The following POLL variants were observed in gnomAD, a reference collection of about 807,000 sequenced individuals.
POLL encodes the protein DNA polymerase beta-2.
In POLL, 44 loss-of-function variants were observed where a neutral mutation model predicts 58.1. The observed-to-expected ratio is 0.76, with a 90% CI of 0.60 to 0.97. The LOEUF is 0.97. Among genes scored for constraint, POLL ranks in the 50% least tolerant of loss-of-function variants. POLL has a pLI of 0.00. For missense variants in POLL, 632 were observed against 736.8 expected (o/e 0.86, Z 1.65); for synonymous variants, 290 against 283.2 (o/e 1.02, Z -0.24).
chr10:101,583,826 G>T, intron 5 of POLL, 145 bp from the exon 6 acceptor site: 1 of 671,208 alleles, frequency 1.5e-6, no homozygotes, highest in Non-Finnish European at 2.5e-6. Context: ...TGTAAAGCTT[G>T]GGTGTAGTTG....
In POLL at chr10:101,588,009, G is replaced by T. The variant is rs2063486976; in HGVS notation, c.-234C>A. The T allele has an allele frequency of 7.4e-7, 1 of 1,347,650 alleles. No homozygotes were observed. The highest frequency in any genetic ancestry group is 9.7e-7 in the Non-Finnish European group (1 of 1,027,118). The allele number at this position is 1,347,650 out of a possible 1,614,324, so 83.5% of individuals were successfully genotyped here. A position where few individuals can be genotyped will look rare whatever the true frequency, so the allele number is the denominator to read the frequency against. On this transcript the variant is annotated 5_prime_UTR_variant, in exon 1 of 9. Transcript: ENST00000370162. ...GAGGAGTCTCGCAGCTGCGGGTGAA[G>T]TCCCGGGCAGGTGCGGTGTACTCGC...
At chr10:101,586,232 C>A in intron 2 of POLL, 76 bp from the exon 3 acceptor site, 1 of 1,284,438 alleles carries the variant, frequency 7.8e-7, no homozygotes. Flanking sequence ...CACGACATAA[C>A]TTCTAACATG....
At chr10:101,583,250 C>T in intron 6 of POLL, 3 of 595,574 alleles carry the variant, frequency 5.0e-6, no homozygotes, top group Non-Finnish European at 9.0e-6. Flanking sequence ...TCAGGAAGGC[C>T]CTTGCTGGTC....
At chr10:101,587,595 G>A (rs1034706219) in intron 1 of POLL, 189 bp from the exon 2 acceptor site, 2 of 1,183,112 alleles carry the variant, frequency 1.7e-6, no homozygotes, top group East Asian at 3.3e-5. Flanking sequence ...CGAAGTTGGA[G>A]TATTACGGGA....
rs1444185045 is a variant in POLL at position 101,579,376 on chromosome 10, G to A, written c.*77C>T. ...TTGGAGCGGCGAGGTTCAGCCAGCTGAGGCTGGAGGGAGTACTGGGTGGCC... is the reference window on the plus strand; with the variant it reads ...TTGGAGCGGCGAGGTTCAGCCAGCTAAGGCTGGAGGGAGTACTGGGTGGCC... On this transcript the variant is annotated 3_prime_UTR_variant, in exon 9 of 9. Transcript: ENST00000370162. The surrounding 1 kb of genome is among the most constrained non-coding windows in gnomAD (Gnocchi z 4.4). 1 of 1,490,066 alleles carries A rather than the reference G, an allele frequency of 6.7e-7. No homozygotes were observed. The highest frequency in any genetic ancestry group is 1.4e-5 in the African/African-American group (1 of 71,434). 92.3% of individuals were successfully genotyped at this position (1,490,066 alleles called of 1,614,324 possible).
Position 101,580,496 on chromosome 10 carries a change from C to T in POLL, c.1195-80G>A, listed in dbSNP as rs2062927384. 4 of 1,291,584 alleles carry T rather than the reference C, an allele frequency of 3.1e-6. No homozygotes were observed. In the East Asian group the frequency reaches 9.3e-5, roughly 30 times the overall value. The allele number at this position is 1,291,584 out of a possible 1,614,324, so 80.0% of individuals were successfully genotyped here. On this transcript the variant is annotated intron_variant, in intron 7 of 8. Transcript: ENST00000370162. This position sits in a 1 kb window ranked among gnomAD's most constrained non-coding sequence, Gnocchi z 4.1. ...ACAGCAGTACAAGGGCCTTCCCAGA[C>T]TCGGGCCCACACCCTCAGCTTATGC...
rs1283615561 is a variant in POLL at position 101,583,492 on chromosome 10, T to C, written c.1065+16A>G. ...GACACAGCAAAACTGAAGTAGGGGC[T>C]GAGCCAGGGTGTGACCTGTTGGTAC... On this transcript the variant is annotated intron_variant, in intron 6 of 8. Transcript: ENST00000370162. 4 of 1,611,696 alleles carry C rather than the reference T, an allele frequency of 2.5e-6. No homozygotes were observed. In the African/African-American group the frequency reaches 5.3e-5, roughly 22 times the overall value.
At position 101,580,020 on chromosome 10, in the gene POLL, G is replaced by C. The variant is rs1457244803; in HGVS notation, c.1364-203C>G. The stretch of plus-strand genomic sequence containing the variant: ...ATAGTGTCACAGAAAGATCAGATGA[G>C]ATACTTGGCCTGCAGGGTTCACTGA... On this transcript the variant is annotated intron_variant, in intron 8 of 8. Transcript: ENST00000370162. The surrounding 1 kb of genome is among the most constrained non-coding windows in gnomAD (Gnocchi z 4.1). 6 of 705,950 alleles carry C rather than the reference G, an allele frequency of 8.5e-6. No homozygotes were observed. Among genetic ancestry groups the C allele is most frequent in the Non-Finnish European group, 1.4e-5 (6 of 432,372 alleles). The allele number at this position is 705,950 out of a possible 1,614,324, so 43.7% of individuals were successfully genotyped here. A position where few individuals can be genotyped will look rare whatever the true frequency, so the allele number is the denominator to read the frequency against.
Position 101,584,587 on chromosome 10 carries a change from C to G in POLL, c.891+15G>C. ...GCCAGTAAAGACCCCTCCTCCCACT[C>G]TAGCCCCTGGGTACCTGGTACGAGG... is the stretch of plus-strand genomic sequence containing the variant. On this transcript the variant is annotated intron_variant, in intron 5 of 8. Coordinates refer to ENST00000370162, the MANE Select transcript of POLL (RefSeq NM_001174084.2). 2 of 1,529,578 alleles carry G rather than the reference C, an allele frequency of 1.3e-6. No individual in the cohort carries two copies. The highest frequency in any genetic ancestry group is 1.8e-6 in the Non-Finnish European group (2 of 1,136,762). The allele number at this position is 1,529,578 out of a possible 1,614,324, so 94.8% of individuals were successfully genotyped here. A position where few individuals can be genotyped will look rare whatever the true frequency, so the allele number is the denominator to read the frequency against.
Position 101,588,143 on chromosome 10 carries a change from G to A in POLL, c.-368C>T, listed in dbSNP as rs899969761. ...TCTCCAACCCCCAGAGTCGGTCCCC[G>A]GGTGGGGTCGACTACTGGCCAAGCT... On this transcript the variant is annotated 5_prime_UTR_variant, in exon 1 of 9. Transcript: ENST00000370162. The A allele has an allele frequency of 6.6e-6, 10 of 1,516,398 alleles. No individual in the cohort carries two copies. The highest frequency in any genetic ancestry group is 2.8e-5 in the African/African-American group (2 of 72,580). 93.9% of individuals were successfully genotyped at this position (1,516,398 alleles called of 1,614,324 possible).
At chr10:101,586,784 C>T (rs991064414) in intron 2 of POLL, among the ~76,000 whole-genome samples, 3 of 152,152 alleles carry the variant, frequency 2.0e-5, no homozygotes, top group South Asian at 4.1e-4. Flanking sequence ...CAAGAGCCAC[C>T]GCGCCCAGCC....
In POLL at chr10:101,579,928, GTGACACTAC is replaced by G; in HGVS notation, c.1364-120_1364-112del. 8.2e-7 allele frequency: 1 copy of G among 1,215,706 alleles called. No homozygotes were observed. The highest frequency in any genetic ancestry group is 1.5e-5 in the South Asian group (1 of 64,858). The allele number at this position is 1,215,706 out of a possible 1,614,324, so 75.3% of individuals were successfully genotyped here. On this transcript the variant is annotated intron_variant, in intron 8 of 8. Transcript: ENST00000370162. This position sits in a 1 kb window ranked among gnomAD's most constrained non-coding sequence, Gnocchi z 4.4. ...TGGGGCTTGCCCAGGTATTAGCTGG[GTGACACTAC>G]CCTCTCTGGGCCCTTCTCCTTTTCT...
In POLL at chr10:101,578,961, C is replaced by T; in HGVS notation, c.*492G>A. ...CAAGGCTGGGGCACCCCATTCCCAG[C>T]ACCACCAGCTGCCCAGGAAGCAGGA... On this transcript the variant is annotated 3_prime_UTR_variant, in exon 9 of 9. Transcript: ENST00000370162. 1 of 173,116 alleles carries T rather than the reference C, an allele frequency of 5.8e-6. No homozygotes were observed. The highest frequency in any genetic ancestry group is 1.4e-4 in the South Asian group (1 of 7,024). 10.7% of individuals were successfully genotyped at this position (173,116 alleles called of 1,614,324 possible). A position where few individuals can be genotyped will look rare whatever the true frequency, so the allele number is the denominator to read the frequency against.
Position 101,587,353 on chromosome 10 carries a change from G to A in POLL, c.8C>T (p.Pro3Leu). ...GGGAAATGCCTTCAAGATACCCCTG[G>A]GATCCATTGAAGTATGGCTGGATCC... MD[P>L]RGILKAFPKR... Residue 3 changes from proline (P) to leucine (L), a missense_variant, in exon 2 of 9, where the codon CCC becomes CTC. By Grantham distance (98) the Pro-to-Leu change is moderately conservative. Coordinates refer to ENST00000370162, the MANE Select transcript of POLL (RefSeq NM_001174084.2). The A allele has an allele frequency of 6.2e-7, 1 of 1,614,046 alleles. No homozygotes were observed. The highest frequency in any genetic ancestry group is 8.5e-7 in the Non-Finnish European group (1 of 1,179,992).
intron 5 of POLL, among the ~76,000 whole-genome samples, chr10:101,584,189 C>T (rs1320388450): frequency 2.0e-5 from 3 of 152,070 alleles, no homozygotes; most frequent in Non-Finnish European, 4.4e-5. Flanking sequence ...TTTTAAACAA[C>T]TTTTTAGGCG....
chr10:101,583,058 G>A lies in POLL; in HGVS notation c.1066-167C>T, dbSNP rs185845848. 304 of 725,010 alleles carry A rather than the reference G, an allele frequency of 4.2e-4. 1 individual carries two copies. The African/African-American group carries it at 5.0e-3, about 12-fold the overall frequency. 44.9% of individuals were successfully genotyped at this position (725,010 alleles called of 1,614,324 possible). A position where few individuals can be genotyped will look rare whatever the true frequency, so the allele number is the denominator to read the frequency against. On this transcript the variant is annotated intron_variant, in intron 6 of 8. Coordinates refer to ENST00000370162, the MANE Select transcript of POLL (RefSeq NM_001174084.2). ...TACTCAGCAGGACTTGGGAAAGGCA[G>A]GGAGCATGGGAAACATGCCATCATC...
At chr10:101,584,511 C>A in intron 5 of POLL, 91 bp downstream of exon 5, 2 of 866,324 alleles carry the variant, frequency 2.3e-6, no homozygotes, top group South Asian at 2.8e-5. Flanking sequence ...TCCTAGACCC[C>A]ATAAAATCTT....
rs540905898 is a variant in POLL, at chr10:101,579,479, G to A, written c.1702C>T (p.Arg568Ter). Residue 568 changes from arginine to a stop codon, truncating the protein, a stop_gained, in exon 9 of 9, where the codon CGA (arginine) becomes TGA (stop). Transcript: ENST00000370162. LOFTEE classifies it high-confidence loss of function. The surrounding 1 kb of genome is among the most constrained non-coding windows in gnomAD (Gnocchi z 4.4). ...CACCAGTCCCGCTCAGCAGGTTCTC[G>A]GTAGGGGAGGCCTAAGAGCCTGAAG... The part of the protein sequence containing the change: ...DVFRLLGLPY[R>*]EPAERDW 20 of 1,611,500 alleles carry A rather than the reference G, an allele frequency of 1.2e-5. No homozygotes were observed. Among genetic ancestry groups the A allele is most frequent in the South Asian group, 7.7e-5 (7 of 90,926 alleles).
rs1189510035 is a variant in POLL, at chr10:101,583,633, T to C, written c.940A>G (p.Ile314Val). The stretch of plus-strand genomic sequence containing the variant: ...AAATGCCCGCTCTCCAGGATCTCTA[T>C]GATTTTCTCAGCCATCCGCTTCCCA... ...GIGKRMAEKI[I>V]EILESGHLRK... Residue 314 changes from isoleucine (I) to valine (V), a missense_variant, in exon 6 of 9, where the codon ATA becomes GTA. Transcript: ENST00000370162. 1.4e-5 allele frequency: 23 copies of C among 1,614,038 alleles called. No homozygotes were observed. In the African/African-American group the frequency reaches 2.7e-4, roughly 19 times the overall value.
Sources: gnomAD v4.1 joint callset for allele counts (sites outside exome capture counted in the v4.1 genomes callset) on GRCh38, gnomAD v4.1.1 for gene constraint, Gnocchi (gnomAD v3.1) non-coding constraint, MANE v1.5 for transcripts, NCBI Gene and HGNC (gene_info 2026-07-23, HGNC 2026-07-21) for gene names.